ALG9: variants seen among roughly 807,000 people sequenced by gnomAD.
ALG9 encodes ALG9 alpha-1,2-mannosyltransferase.
ALG9 carries 55 observed loss-of-function variants against 81.8 expected under a neutral mutation model. That is an observed-to-expected ratio of 0.67 (90% CI 0.54 to 0.84). The LOEUF (loss-of-function observed/expected upper bound fraction) is 0.84, where lower values mean the gene tolerates loss of function less well. Ranked by LOEUF, ALG9 falls within the 40% of genes least tolerant of loss-of-function variation. The probability of loss-of-function intolerance (pLI) is 0.00; values close to 1 mark genes in which losing one functional copy is unlikely to be tolerated. For missense variants in ALG9, 629 were observed against 745.0 expected, an observed-to-expected ratio of 0.84 and a Z score of 1.81; for synonymous variants, 278 against 274.3, an observed-to-expected ratio of 1.01 and a Z score of -0.13.
the ALG9 span, chr11:111,768,881 T>G: frequency 1.6e-5 from 2 of 128,144 alleles, no homozygotes; most frequent in African/African-American, 3.6e-5. Context: ...GGAGACAGAG[T>G]CTCACCATGC....
At chr11:111,839,582 C>T (rs1955885723) in intron 10 of ALG9, among the ~76,000 whole-genome samples, 1 of 110,042 alleles carries the variant, frequency 9.1e-6, no homozygotes, top group Non-Finnish European at 1.7e-5. Context: ...GAGCAAGATT[C>T]CGTCTCAAAA....
In ALG9 at chr11:111,861,274, CTCAG is replaced by C. The variant is rs555714239; in HGVS notation, c.477-643_477-640del. ...GTATTTAGGCATTATTACTGCTTCA[CTCAG>C]TCAATGTTTGTTCGGACATACCCAC... On this transcript the variant is annotated intron_variant, in intron 4 of 14. Transcript: ENST00000616540. Among the ~76,000 whole-genome samples, 472 of 152,324 alleles carry C rather than the reference CTCAG, an allele frequency of 3.1e-3. 1 individual carries two copies. Among genetic ancestry groups the C allele is most frequent in the Middle Eastern group, 0.017 (5 of 294 alleles).
intron 14 of ALG9, among the ~76,000 whole-genome samples, chr11:111,795,945 C>T (rs137997469): frequency 2.0e-5 from 3 of 152,292 alleles, no homozygotes; most frequent in East Asian, 3.9e-4. Flanking sequence ...ACTCTATGTC[C>T]CATTCATCAG....
Position 111,857,592 on chromosome 11 carries a change from A to G in ALG9, c.701+10T>C, listed in dbSNP as rs1958911295. On this transcript the variant is annotated intron_variant, in intron 6 of 14. Transcript: ENST00000616540. Reference sequence around the variant, plus strand: ...AGCGATATATGGGAGGAGAACTGTTAGTTTCTTACCCAAGAGCTGCACTGA... The same window carrying G: ...AGCGATATATGGGAGGAGAACTGTTGGTTTCTTACCCAAGAGCTGCACTGA... 1 of 1,614,098 alleles carries G rather than the reference A, an allele frequency of 6.2e-7. No homozygotes were observed. The highest frequency in any genetic ancestry group is 8.5e-7 in the Non-Finnish European group (1 of 1,179,988).
intron 14 of ALG9, among the ~76,000 whole-genome samples, chr11:111,792,929 C>T (rs1555071740): frequency 6.6e-6 from 1 of 152,144 alleles, no homozygotes; most frequent in Non-Finnish European, 1.5e-5. Context: ...CAGAAAGCAG[C>T]CAATATATGC....
chr11:111,857,693 T>C lies in ALG9; in HGVS notation c.610A>G (p.Met204Val), dbSNP rs1555144426. 10 of 1,614,038 alleles carry C rather than the reference T, an allele frequency of 6.2e-6. No individual in the cohort carries two copies. The South Asian group carries it at 7.7e-5, about 12-fold the overall frequency. The change falls in exon 6 of 15, where the codon ATG becomes GTG. Residue 204 changes from methionine (M) to valine (V), a missense_variant. By Grantham distance (21) the Met-to-Val change is conservative. Transcript: ENST00000616540. ...GTCTTGTCCATATACCATCCAGTCA[T>C]GGCTATCAACGTAGTGTACATACAG... The part of the protein sequence containing the change: ...SFCMYTTLIA[M>V]TGWYMDKTSI...
downstream of ALG9, among the ~76,000 whole-genome samples, chr11:111,781,368 T>C (rs1565512597): frequency 6.6e-6 from 1 of 152,184 alleles, no homozygotes. Flanking sequence ...ACTTAAGAGG[T>C]TGAGGCAGGA....
At chr11:111,828,617 C>A (rs72985315) in intron 13 of ALG9, among the ~76,000 whole-genome samples, 1,956 of 152,184 alleles carry the variant, frequency 0.013, 23 homozygotes, top group Non-Finnish European at 0.021. Context: ...GGAAAAATTA[C>A]TTGATAGAAC....
At chr11:111,794,437 C>A (rs886164812) in intron 14 of ALG9, among the ~76,000 whole-genome samples, 1 of 152,066 alleles carries the variant, frequency 6.6e-6, no homozygotes, top group African/African-American at 2.4e-5. Flanking sequence ...TATGTGCCAC[C>A]ACACCCAGCT....
chr11:111,856,936 G>A (rs935268411), intron 6 of ALG9, among the ~76,000 whole-genome samples: 4 of 152,080 alleles, frequency 2.6e-5, no homozygotes, highest in African/African-American at 7.2e-5. Context: ...GAGAAACCCT[G>A]TCTCTACTAA....
downstream of ALG9, among the ~76,000 whole-genome samples, chr11:111,777,297 T>G (rs1168499683): frequency 6.6e-6 from 1 of 152,192 alleles, no homozygotes; most frequent in Non-Finnish European, 1.5e-5. Flanking sequence ...GGACATAATT[T>G]TCTCCAGGAA....
At chr11:111,811,689 A>G (rs1950740497) in intron 13 of ALG9, among the ~76,000 whole-genome samples, 2 of 152,226 alleles carry the variant, frequency 1.3e-5, no homozygotes, top group Admixed American at 6.5e-5. Flanking sequence ...GGTCTGATAC[A>G]GCCTATGCCA....
chr11:111,809,754 T>C lies in ALG9; in HGVS notation c.1622A>G (p.His541Arg). 2 of 1,614,038 alleles carry C rather than the reference T, an allele frequency of 1.2e-6. No individual in the cohort carries two copies. The highest frequency in any genetic ancestry group is 8.5e-7 in the Non-Finnish European group (1 of 1,179,944). The part of the protein sequence containing the change: ...PSRYIDISKC[H>R]YLVDLDTMRE... ...CATGGTGTCCAAATCCACTAAATAA[T>C]GGCATTTACTGATATCAATCTGAAA... The change falls in exon 14 of 15, where the codon CAT becomes CGT. Residue 541 changes from histidine to arginine, a missense_variant. By Grantham distance (29) the His-to-Arg change is conservative (BLOSUM62 0). This residue lies in a region of ALG9 where 264 missense variants were observed against 302.2 expected (regional missense o/e 0.87). Transcript: ENST00000616540.
chr11:111,795,421 G>A (rs957121641), intron 14 of ALG9, among the ~76,000 whole-genome samples: 3 of 152,144 alleles, frequency 2.0e-5, no homozygotes, highest in Non-Finnish European at 4.4e-5. Flanking sequence ...ATGTCAGAGT[G>A]CAAGGGGGCA....
In ALG9 at chr11:111,871,336, C is replaced by T; in HGVS notation, c.131+16G>A. On this transcript the variant is annotated intron_variant, in intron 1 of 14. Coordinates refer to ENST00000616540, the MANE Select transcript of ALG9 (RefSeq NM_024740.2). The stretch of plus-strand genomic sequence containing the variant: ...CCCCGCCGGCCGGCCACGCCCCTGC[C>T]GCGCCGCACACGTACTCGGTCCGGT... 1.4e-6 allele frequency: 2 copies of T among 1,470,022 alleles called. No individual in the cohort carries two copies. Among genetic ancestry groups the T allele is most frequent in the Non-Finnish European group, 1.8e-6 (2 of 1,118,686 alleles). The allele number at this position is 1,470,022 out of a possible 1,614,324, so 91.1% of individuals were successfully genotyped here. A position where few individuals can be genotyped will look rare whatever the true frequency, so the allele number is the denominator to read the frequency against.
chr11:111,814,110 G>A (rs2136474600), intron 13 of ALG9, among the ~76,000 whole-genome samples: 1 of 152,198 alleles, frequency 6.6e-6, no homozygotes, highest in East Asian at 1.9e-4. Flanking sequence ...AACCCAGATT[G>A]GAAACAAAAA....
intron 6 of ALG9, among the ~76,000 whole-genome samples, chr11:111,857,138 G>C (rs1566167558): frequency 6.6e-6 from 1 of 152,068 alleles, no homozygotes; most frequent in African/African-American, 2.4e-5. Flanking sequence ...AATAAAGAAA[G>C]AAGGAAGACG....
At chr11:111,787,392 C>T (rs561309438) in intron 14 of ALG9, among the ~76,000 whole-genome samples, 10 of 152,154 alleles carry the variant, frequency 6.6e-5, no homozygotes, top group Admixed American at 1.3e-4. Context: ...AAGATCATGC[C>T]TCTGCACTCC....
chr11:111,834,054 A>G (rs1954821782), intron 13 of ALG9, among the ~76,000 whole-genome samples: 1 of 152,262 alleles, frequency 6.6e-6, no homozygotes, highest in Non-Finnish European at 1.5e-5. Context: ...GGTGAACACA[A>G]AAGAAACAAA....
Sources: allele counts gnomAD v4.1 joint callset (sites outside exome capture counted in the v4.1 genomes callset), GRCh38; gene constraint gnomAD v4.1.1; regional missense constraint gnomAD v4.1.1; transcripts MANE v1.5; gene names NCBI Gene and HGNC (gene_info 2026-07-23, HGNC 2026-07-21).